Variants in IL33 observed in about 807,000 individuals in gnomAD.
IL33 encodes the protein interleukin 33.
IL33 carries 37 observed loss-of-function variants against 27.3 expected under a neutral mutation model. That is an observed-to-expected ratio of 1.36 (90% CI 1.04 to 1.78). The LOEUF (loss-of-function observed/expected upper bound fraction) is 1.78, where lower values mean the gene tolerates loss of function less well. IL33 is among the 40% of genes most tolerant of loss of function. IL33 has a pLI of 0.00. For synonymous variants in IL33, 132 were observed against 102.9 expected (o/e 1.28, Z -1.71); for missense variants, 406 against 311.4 (o/e 1.30, Z -2.29).
At chr9:6,239,898 G>C (rs1261965687) in intron 1 of IL33, among the ~76,000 whole-genome samples, 1 of 152,040 alleles carries the variant, frequency 6.6e-6, no homozygotes, top group Non-Finnish European at 1.5e-5. Context: ...GTTCCTTTCG[G>C]TGGAGAAAGT....
At chr9:6,251,890 A>C (rs1380327253) in intron 4 of IL33, among the ~76,000 whole-genome samples, 3 of 151,722 alleles carry the variant, frequency 2.0e-5, no homozygotes, top group Non-Finnish European at 2.9e-5. Context: ...AAATACAAAA[A>C]TCTGTTGGTT....
In IL33 at chr9:6,256,027, C is replaced by T. The variant is rs145124212; in HGVS notation, c.672C>T (p.His224=). 1.1e-5 allele frequency: 18 copies of T among 1,613,686 alleles called. 1 individual carries two copies. The African/African-American group carries it at 2.0e-4, about 18-fold the overall frequency. Reference sequence around the variant, plus strand: ...CCTTCTTTGTCCTTCATAATATGCACTCCAACTGTGTTTCATTTGAATGCA... The same window carrying T: ...CCTTCTTTGTCCTTCATAATATGCATTCCAACTGTGTTTCATTTGAATGCA... ...DQAFFVLHNM[H]SNCVSFECKT... The change falls in exon 8 of 8, where the codon CAC becomes CAT. Residue 224 remains histidine (H), a synonymous_variant. Transcript: ENST00000682010.
Position 6,257,228 on chromosome 9 carries a change from T to A in IL33, c.*1060T>A, listed in dbSNP as rs1383069476. The A allele has an allele frequency of 6.6e-6, 1 of 152,184 alleles. No individual in the cohort carries two copies. The highest frequency in any genetic ancestry group is 2.4e-5 in the African/African-American group (1 of 41,458). 9.4% of individuals were successfully genotyped at this position (152,184 alleles called of 1,614,324 possible). A position where few individuals can be genotyped will look rare whatever the true frequency, so the allele number is the denominator to read the frequency against. Reference sequence around the variant, plus strand: ...CACTGTCACATTGGGCAAAGTTGCTTCTAATCCTTATTTCCCATGTGCACA... The same window carrying A: ...CACTGTCACATTGGGCAAAGTTGCTACTAATCCTTATTTCCCATGTGCACA... On this transcript the variant is annotated 3_prime_UTR_variant, in exon 8 of 8. Coordinates refer to ENST00000682010, the MANE Select transcript of IL33 (RefSeq NM_033439.4).
At chr9:6,233,944 G>A (rs940622445) in intron 1 of IL33, among the ~76,000 whole-genome samples, 3 of 152,108 alleles carry the variant, frequency 2.0e-5, no homozygotes, top group African/African-American at 7.2e-5. Flanking sequence ...ATACTTAAAT[G>A]ACTCCTCCAA....
intron 1 of IL33, among the ~76,000 whole-genome samples, chr9:6,218,014 T>C (rs1818222431): frequency 1.3e-5 from 2 of 152,232 alleles, no homozygotes; most frequent in Non-Finnish European, 2.9e-5. Flanking sequence ...GCTCCTCTTT[T>C]GATTTCCACC....
intron 6 of IL33, 27 bp downstream of exon 6, chr9:6,253,629 G>A: frequency 1.3e-6 from 2 of 1,574,556 alleles, no homozygotes; most frequent in South Asian, 2.3e-5. Flanking sequence ...GGTAGCTGTA[G>A]TGCTTGAATT....
At chr9:6,225,285 C>G (rs1818579154) in intron 1 of IL33, among the ~76,000 whole-genome samples, 1 of 152,158 alleles carries the variant, frequency 6.6e-6, no homozygotes, top group Non-Finnish European at 1.5e-5. Flanking sequence ...AAGGAATCAC[C>G]AAAAAGTTCC....
chr9:6,225,508 C>T (rs1456405522), intron 1 of IL33, among the ~76,000 whole-genome samples: 2 of 152,090 alleles, frequency 1.3e-5, no homozygotes, highest in Non-Finnish European at 2.9e-5. Flanking sequence ...GCACTTTCCT[C>T]ATCTGTAAAA....
In IL33 at chr9:6,255,992, C is replaced by A. The variant is rs1587676195; in HGVS notation, c.637C>A (p.Pro213Thr). 6.2e-7 allele frequency: 1 copy of A among 1,613,614 alleles called. No homozygotes were observed. The highest frequency in any genetic ancestry group is 2.2e-5 in the East Asian group (1 of 44,878). ...VELHKCEKPL[P>T]DQAFFVLHNM... ...GCTCCATAAGTGTGAAAAACCACTGCCAGACCAGGCCTTCTTTGTCCTTCA... is the reference window on the plus strand; with the variant it reads ...GCTCCATAAGTGTGAAAAACCACTGACAGACCAGGCCTTCTTTGTCCTTCA... The change falls in exon 8 of 8, where the codon CCA (proline) becomes ACA (threonine). Residue 213 changes from proline (P) to threonine (T), a missense_variant. Coordinates refer to ENST00000682010, the MANE Select transcript of IL33 (RefSeq NM_033439.4).
At position 6,256,396 on chromosome 9, in the gene IL33, G is replaced by A. The variant is rs192225004; in HGVS notation, c.*228G>A. On this transcript the variant is annotated 3_prime_UTR_variant, in exon 8 of 8. Transcript: ENST00000682010. The stretch of plus-strand genomic sequence containing the variant: ...AATACAAGTATCAGTATATTAAATA[G>A]GGTATTGGTAAAGAAACGGTCAACA... The A allele has an allele frequency of 7.6e-6, 4 of 528,114 alleles. No homozygotes were observed. The highest frequency in any genetic ancestry group is 3.5e-5 in the Admixed American group (1 of 28,394). 32.7% of individuals were successfully genotyped at this position (528,114 alleles called of 1,614,324 possible).
At chr9:6,218,239 A>AG (rs1232091991) in intron 1 of IL33, among the ~76,000 whole-genome samples, 2 of 152,148 alleles carry the variant, frequency 1.3e-5, no homozygotes, top group African/African-American at 4.8e-5. Flanking sequence ...TGGTTACTTC[A>AG]TAATTGATTT....
intron 1 of IL33, among the ~76,000 whole-genome samples, chr9:6,232,529 C>T (rs1818974199): frequency 6.6e-6 from 1 of 152,114 alleles, no homozygotes. Flanking sequence ...TTACTCTCTC[C>T]CTCCTTTTCC....
chr9:6,241,798 G>GTTAAC lies in IL33; in HGVS notation c.91+16_91+17insACTTA. 1 of 1,576,008 alleles carries GTTAAC rather than the reference G, an allele frequency of 6.3e-7. No individual in the cohort carries two copies. The highest frequency in any genetic ancestry group is 8.7e-7 in the Non-Finnish European group (1 of 1,150,358). ...TTCAAGCTGGGAAGTAAGGACTTAA[G>GTTAAC]TTATCTCTGAATGTTTTACGCACTA... is the stretch of plus-strand genomic sequence containing the variant. On this transcript the variant is annotated intron_variant, in intron 2 of 7. Transcript: ENST00000682010.
chr9:6,250,501 GC>G lies in IL33; in HGVS notation c.123del (p.Met42CysfsTer4), dbSNP rs758191115. On this transcript the variant is annotated frameshift_variant, in exon 3 of 8. Transcript: ENST00000682010. LOFTEE classifies it high-confidence loss of function. ...TCCCAACAGAAGGCCAAAGAAGTTT[GC>G]CCCATGTACTTTATGAAGCTCCGCT... ...GKSQQKAKEV[C>X]PMYFMKLRSG... 3.1e-6 allele frequency: 5 copies of G among 1,613,706 alleles called. No homozygotes were observed. The highest frequency in any genetic ancestry group is 4.2e-6 in the Non-Finnish European group (5 of 1,179,796).
chr9:6,227,359 A>T (rs1276296668), intron 1 of IL33, among the ~76,000 whole-genome samples: 1 of 152,154 alleles, frequency 6.6e-6, no homozygotes, highest in Admixed American at 6.5e-5. Context: ...CTAGCCTCCC[A>T]TTCATGCCCC....
intron 4 of IL33, among the ~76,000 whole-genome samples, chr9:6,252,052 C>CAAAAAA (rs1311401521): frequency 5.5e-4 from 20 of 36,180 alleles, no homozygotes; most frequent in African/African-American, 1.9e-3. Flanking sequence ...AACAAACAAA[C>CAAAAAA]AAACAAAAAA....
intron 2 of IL33, among the ~76,000 whole-genome samples, chr9:6,244,577 T>A (rs1476520694): frequency 2.6e-5 from 4 of 152,074 alleles, no homozygotes; most frequent in African/African-American, 9.7e-5. Context: ...TCAAAATATC[T>A]TATTGTATTT....
intron 2 of IL33, among the ~76,000 whole-genome samples, chr9:6,247,323 C>G (rs1819917226): frequency 6.6e-6 from 1 of 152,038 alleles, no homozygotes. Context: ...AAGAGGGGTT[C>G]AAAGAAAGAA....
At chr9:6,249,607 T>C (rs1486833604) in intron 2 of IL33, among the ~76,000 whole-genome samples, 1 of 152,230 alleles carries the variant, frequency 6.6e-6, no homozygotes, top group East Asian at 1.9e-4. Context: ...AATTTGAATT[T>C]GCATTTTGTT....
Sources: allele counts gnomAD v4.1 joint callset (sites outside exome capture counted in the v4.1 genomes callset), GRCh38; gene constraint gnomAD v4.1.1; transcripts MANE v1.5; gene names NCBI Gene and HGNC (gene_info 2026-07-23, HGNC 2026-07-21).